Variants in IRAK3 observed in about 807,000 individuals in gnomAD.
IRAK3 encodes interleukin-1 receptor-associated kinase 3.
Under a neutral mutation model 56.6 loss-of-function variants are expected in IRAK3, and 57 were observed. The ratio of observed to expected loss-of-function variants is 1.01; its 90% CI spans 0.81 to 1.26. The LOEUF (loss-of-function observed/expected upper bound fraction) is 1.26. IRAK3 is among the 50% of genes most tolerant of loss of function. The pLI is 0.00. For synonymous variants in IRAK3, 258 were observed against 255.7 expected, an observed-to-expected ratio of 1.01 and a Z score of -0.09; for missense variants, 703 against 719.0, an observed-to-expected ratio of 0.98 and a Z score of 0.25.
At position 66,245,120 on chromosome 12, in the gene IRAK3, T is replaced by C. The variant is rs35737689; in HGVS notation, c.1172T>C (p.Met391Thr). The change falls in exon 11 of 12, where the codon ATG becomes ACG. Residue 391 changes from methionine (M) to threonine (T), a missense_variant. Met to Thr is a moderately conservative substitution (Grantham distance 81). Transcript: ENST00000261233. ...AAGCGGGATCTCCTTAGAGAATTGA[T>C]GGAGAAGAGAGGCCTGGATTCATGT... The part of the protein sequence containing the change: ...IQLRDLLREL[M>T]EKRGLDSCLS... 494 of 1,614,138 alleles carry C rather than the reference T, an allele frequency of 3.1e-4. 4 individuals carry two copies. In the South Asian group the frequency reaches 4.8e-3, roughly 16 times the overall value.
chr12:66,219,064 G>A (rs561413152), intron 6 of IRAK3, among the ~76,000 whole-genome samples: 1 of 152,180 alleles, frequency 6.6e-6, no homozygotes, highest in African/African-American at 2.4e-5. Context: ...GTGTGTGTGT[G>A]TGTGTCTCAC....
At chr12:66,231,008 G>A (rs2052838588) in intron 8 of IRAK3, among the ~76,000 whole-genome samples, 1 of 152,190 alleles carries the variant, frequency 6.6e-6, no homozygotes, top group African/African-American at 2.4e-5. Flanking sequence ...AATGGCATAA[G>A]GTCCTTGACA....
intron 1 of IRAK3, among the ~76,000 whole-genome samples, chr12:66,192,698 G>A (rs1017900507): frequency 5.9e-5 from 9 of 152,024 alleles, no homozygotes; most frequent in African/African-American, 1.4e-4. Flanking sequence ...ATTCAATAAA[G>A]ATTCAAAATA....
rs2053115410 is a variant in IRAK3, at chr12:66,252,983, TG to T, written c.*4813del. On this transcript the variant is annotated 3_prime_UTR_variant, in exon 12 of 12. Transcript: ENST00000261233. ...ACTATCACGTGATACTGGAGTTGCC[TG>T]TTAAATTATATTTCTTCTTCCACAA... 1 of 152,210 alleles carries T rather than the reference TG, an allele frequency of 6.6e-6. No homozygotes were observed. Among genetic ancestry groups the T allele is most frequent in the African/African-American group, 2.4e-5 (1 of 41,446 alleles). 9.4% of individuals were successfully genotyped at this position (152,210 alleles called of 1,614,324 possible).
intron 4 of IRAK3, among the ~76,000 whole-genome samples, chr12:66,210,800 C>A (rs1324192451): frequency 1.3e-5 from 2 of 152,230 alleles, no homozygotes; most frequent in African/African-American, 2.4e-5. Flanking sequence ...ACAATAAGGT[C>A]TAAATCAAAC....
chr12:66,235,915 A>G (rs531090248), intron 8 of IRAK3, among the ~76,000 whole-genome samples: 2 of 152,322 alleles, frequency 1.3e-5, no homozygotes, highest in East Asian at 3.9e-4. Context: ...GCAATAACAT[A>G]AAATTTATTA....
chr12:66,213,717 G>A (rs1409941101), intron 5 of IRAK3, among the ~76,000 whole-genome samples: 2 of 150,150 alleles, frequency 1.3e-5, no homozygotes, highest in Non-Finnish European at 3.0e-5. Context: ...GTGTGGGAAC[G>A]CCTTACTTTC....
chr12:66,210,590 G>A (rs1158724719), intron 4 of IRAK3, among the ~76,000 whole-genome samples: 1 of 152,166 alleles, frequency 6.6e-6, no homozygotes, highest in African/African-American at 2.4e-5. Flanking sequence ...CAATGCTGAA[G>A]GTCAGTATGA....
In IRAK3 at chr12:66,221,257, C is replaced by A. The variant is rs73321677; in HGVS notation, c.653+4022C>A. On this transcript the variant is annotated intron_variant, in intron 6 of 11. Transcript: ENST00000261233. ...TTTCTGAATTTGTTTATTGTTCTAA[C>A]AGTTTTTTTGGTGGAGTCTTTTGGG... Among the ~76,000 whole-genome samples, 262 of 152,236 alleles carry A rather than the reference C, an allele frequency of 1.7e-3. 2 individuals are homozygous for A. The highest frequency in any genetic ancestry group is 5.9e-3 in the African/African-American group (246 of 41,540).
intron 11 of IRAK3, among the ~76,000 whole-genome samples, chr12:66,246,756 A>G (rs1274948524): frequency 6.6e-6 from 1 of 152,240 alleles, no homozygotes; most frequent in Non-Finnish European, 1.5e-5. Context: ...TGTAAACTGT[A>G]AAGCTCTCTA....
intron 1 of IRAK3, among the ~76,000 whole-genome samples, chr12:66,198,800 G>A (rs2052480103): frequency 6.8e-6 from 1 of 147,826 alleles, no homozygotes; most frequent in Non-Finnish European, 1.5e-5. Context: ...CTGTCACCCA[G>A]GCTGGACTGC....
intron 1 of IRAK3, among the ~76,000 whole-genome samples, chr12:66,191,620 A>G (rs1375247912): frequency 1.3e-5 from 2 of 152,324 alleles, no homozygotes; most frequent in African/African-American, 2.4e-5. Context: ...GTGCTGCACA[A>G]GTTCTTGGCT....
chr12:66,193,587 C>T (rs932695427), intron 1 of IRAK3, among the ~76,000 whole-genome samples: 1 of 151,142 alleles, frequency 6.6e-6, no homozygotes, highest in African/African-American at 2.5e-5. Context: ...GTCGTATCCT[C>T]TGGCTCTTCT....
chr12:66,246,555 G>C (rs936012926), intron 11 of IRAK3, among the ~76,000 whole-genome samples: 1 of 152,342 alleles, frequency 6.6e-6, no homozygotes, highest in African/African-American at 2.4e-5. Flanking sequence ...GCTCAGGAAG[G>C]AGCTATGACA....
intron 5 of IRAK3, among the ~76,000 whole-genome samples, chr12:66,214,237 A>G (rs1192459976): frequency 6.6e-6 from 1 of 152,012 alleles, no homozygotes; most frequent in Non-Finnish European, 1.5e-5. Flanking sequence ...AGCTAGCTGG[A>G]GGCAGGCTGG....
At chr12:66,220,887 T>G (rs1200706010) in intron 6 of IRAK3, among the ~76,000 whole-genome samples, 1 of 152,226 alleles carries the variant, frequency 6.6e-6, no homozygotes, top group Non-Finnish European at 1.5e-5. Context: ...TTTAGCATTT[T>G]TCTTCTATTT....
chr12:66,235,208 A>T, intron 8 of IRAK3: 3 of 1,612,554 alleles, frequency 1.9e-6, no homozygotes, highest in Non-Finnish European at 2.5e-6. Context: ...GTGGGCTGGG[A>T]CCAGAGACTG....
At chr12:66,228,949 G>A (rs867339270) in intron 8 of IRAK3, among the ~76,000 whole-genome samples, 5 of 152,254 alleles carry the variant, frequency 3.3e-5, no homozygotes, top group South Asian at 2.1e-4. Flanking sequence ...ACTTACCATG[G>A]GTTTGTCAGG....
At chr12:66,228,433 T>C in intron 8 of IRAK3, 63 bp downstream of exon 8, 2 of 1,023,612 alleles carry the variant, frequency 2.0e-6, no homozygotes, top group Non-Finnish European at 3.1e-6. Context: ...ATGTGAGTCA[T>C]ACTTCACACT....
Sources: gnomAD v4.1 joint callset for allele counts (sites outside exome capture counted in the v4.1 genomes callset) on GRCh38, gnomAD v4.1.1 for gene constraint, MANE v1.5 for transcripts, NCBI Gene and HGNC (gene_info 2026-07-23, HGNC 2026-07-21) for gene names.